Variants in JAKMIP3 observed in about 807,000 individuals in gnomAD.
JAKMIP3 encodes janus kinase and microtubule-interacting protein 3.
Under a neutral mutation model 118.5 loss-of-function variants are expected in JAKMIP3, and 58 were observed. The ratio of observed to expected loss-of-function variants is 0.49; its 90% CI spans 0.40 to 0.61. The LOEUF is 0.61. Among genes scored for constraint, JAKMIP3 ranks in the 20% least tolerant of loss-of-function variants. The pLI, the probability that JAKMIP3 is intolerant of heterozygous loss-of-function variation, is 0.00. For missense variants in JAKMIP3, 950 were observed against 1,109.0 expected, an observed-to-expected ratio of 0.86 and a Z score of 2.04; for synonymous variants, 486 against 451.2, an observed-to-expected ratio of 1.08 and a Z score of -0.98.
At chr10:132,138,053 A>C in intron 8 of JAKMIP3, 66 bp from the exon 9 acceptor site, 50 of 1,458,762 alleles carry the variant, frequency 3.4e-5, no homozygotes, top group Non-Finnish European at 4.4e-5. Flanking sequence ...ACGGGCAGTA[A>C]ACCGTGGACT....
At position 132,168,413 on chromosome 10, in the gene JAKMIP3, C is replaced by T. The variant is rs756015249; in HGVS notation, c.*483C>T. On this transcript the variant is annotated 3_prime_UTR_variant, in exon 23 of 24. Coordinates refer to ENST00000684848, the MANE Select transcript of JAKMIP3 (RefSeq NM_001323087.2). ...GCCTGATGACAAGATGAAAGCTGGA[C>T]GGTGACCTTCATTCAGGGGAACCTG... The T allele has an allele frequency of 6.1e-5, 79 of 1,288,292 alleles. No individual in the cohort carries two copies. Among genetic ancestry groups the T allele is most frequent in the South Asian group, 5.6e-4 (45 of 80,970 alleles). 79.8% of individuals were successfully genotyped at this position (1,288,292 alleles called of 1,614,324 possible).
At chr10:132,149,945 C>T (rs372647861) in intron 15 of JAKMIP3, 37 bp from the exon 16 acceptor site, 96 of 1,219,644 alleles carry the variant, frequency 7.9e-5, no homozygotes, top group Middle Eastern at 5.9e-4. Flanking sequence ...CTGCCCACCC[C>T]GTGGCCACTC....
chr10:132,146,595 C>A (rs570723575), intron 13 of JAKMIP3, among the ~76,000 whole-genome samples: 2 of 152,182 alleles, frequency 1.3e-5, no homozygotes, highest in South Asian at 4.1e-4. Flanking sequence ...CGATGTCTCA[C>A]GCTGGCAGGT....
chr10:132,096,712 C>G (rs1243499497), intron 1 of JAKMIP3, among the ~76,000 whole-genome samples: 1 of 152,114 alleles, frequency 6.6e-6, no homozygotes, highest in Non-Finnish European at 1.5e-5. Context: ...CCTGCTCCCC[C>G]ATTAGTACAA....
intron 19 of JAKMIP3, 48 bp from the exon 20 acceptor site, chr10:132,163,161 T>G: frequency 6.6e-7 from 1 of 1,517,526 alleles, no homozygotes; most frequent in Non-Finnish European, 8.9e-7. Context: ...CTGAAAGGTT[T>G]GTTCTGGGGA....
chr10:132,148,460 TCC>T (rs2136098650), intron 14 of JAKMIP3, among the ~76,000 whole-genome samples: 1 of 95,974 alleles, frequency 1.0e-5, no homozygotes, highest in East Asian at 7.9e-4. Context: ...CATCTGCCCG[TCC>T]TCCATCCGCC....
intron 1 of JAKMIP3, among the ~76,000 whole-genome samples, chr10:132,043,562 A>G (rs1330261638): frequency 2.0e-5 from 3 of 152,216 alleles, no homozygotes; most frequent in Non-Finnish European, 2.9e-5. Flanking sequence ...TAGTTTTTAA[A>G]TGTTTTTCAG....
At position 132,133,450 on chromosome 10, in the gene JAKMIP3, C is replaced by G. The variant is rs779992728; in HGVS notation, c.772C>G (p.Arg258Gly). Residue 258 changes from arginine (R) to glycine (G), a missense_variant, in exon 4 of 24, where the codon CGG (arginine) becomes GGG (glycine). Coordinates refer to ENST00000684848, the MANE Select transcript of JAKMIP3 (RefSeq NM_001323087.2). ...EQLSQVREAD[R>G]HPGSPRRELP... ...GCTGTCCCAGGTCCGAGAGGCCGAC[C>G]GGCACCCGGGCAGCCCCAGACGGGA... is the stretch of plus-strand genomic sequence containing the variant. 2.5e-6 allele frequency: 4 copies of G among 1,587,528 alleles called. No homozygotes were observed. Among genetic ancestry groups the G allele is most frequent in the Non-Finnish European group, 3.4e-6 (4 of 1,167,610 alleles).
chr10:132,137,040 C>T lies in JAKMIP3; in HGVS notation c.1138C>T (p.Arg380Trp), dbSNP rs371392395. ...TCAGAGACAGAGAGCTGGAATCATACGGAGACCCAGTTCCTTGAATGACCT... is the reference window on the plus strand; with the variant it reads ...TCAGAGACAGAGAGCTGGAATCATATGGAGACCCAGTTCCTTGAATGACCT... ...IEMRQRAGIIRRPSSLNDLDQ... is the reference protein window; with the variant it reads ...IEMRQRAGIIWRPSSLNDLDQ... The change falls in exon 7 of 24, where the codon CGG (arginine) becomes TGG (tryptophan). Residue 380 changes from arginine (R) to tryptophan (W), a missense_variant. Coordinates refer to ENST00000684848, the MANE Select transcript of JAKMIP3 (RefSeq NM_001323087.2). 7.4e-6 allele frequency: 12 copies of T among 1,613,650 alleles called. No homozygotes were observed. The highest frequency in any genetic ancestry group is 1.3e-5 in the African/African-American group (1 of 74,940).
chr10:132,098,937 C>T lies in JAKMIP3; in HGVS notation c.-137-5735C>T, dbSNP rs528157652. 9.9e-5 allele frequency among the ~76,000 whole-genome samples: 15 copies of T among 152,276 alleles called. No individual in the cohort carries two copies. In the East Asian group the frequency reaches 1.9e-3, roughly 20 times the overall value. On this transcript the variant is annotated intron_variant, in intron 1 of 23. Coordinates refer to ENST00000684848, the MANE Select transcript of JAKMIP3 (RefSeq NM_001323087.2). The stretch of plus-strand genomic sequence containing the variant: ...CTTACACTCACCTGGGTTTGGGACC[C>T]GAACCTTGGACTTCTCTGTAGGTAA...
chr10:132,137,974 G>A, intron 8 of JAKMIP3, 145 bp from the exon 9 acceptor site: 1 of 676,278 alleles, frequency 1.5e-6, no homozygotes, highest in Non-Finnish European at 2.4e-6. Flanking sequence ...CTGGAGCCAG[G>A]GCCTCCCGCT....
At chr10:132,059,001 A>G (rs145721120) in intron 1 of JAKMIP3, among the ~76,000 whole-genome samples, 2 of 152,296 alleles carry the variant, frequency 1.3e-5, no homozygotes, top group African/African-American at 4.8e-5. Context: ...TCCCAGGGCC[A>G]CAAGCCCCAG....
Position 132,141,954 on chromosome 10 carries a change from G to A in JAKMIP3, c.1508G>A (p.Arg503Gln), listed in dbSNP as rs1046064988. ...AAGGAGGAGACGGAGCTGAGGTTCC[G>A]GCAGCTGACCATGGAGTACCAGGCC... ...MAKEETELRF[R>Q]QLTMEYQALQ... The change falls in exon 11 of 24, where the codon CGG (arginine) becomes CAG (glutamine). Residue 503 changes from arginine (R) to glutamine (Q), a missense_variant. Physicochemically the swap from Arg to Gln is conservative, Grantham distance 43. Coordinates refer to ENST00000684848, the MANE Select transcript of JAKMIP3 (RefSeq NM_001323087.2). 6.3e-6 allele frequency: 10 copies of A among 1,596,188 alleles called. No homozygotes were observed. The highest frequency in any genetic ancestry group is 1.7e-5 in the Admixed American group (1 of 57,598).
At chr10:132,048,667 C>CTTT (rs35729418) in intron 1 of JAKMIP3, among the ~76,000 whole-genome samples, 3,640 of 129,728 alleles carry the variant, frequency 0.028, 240 homozygotes, top group African/African-American at 0.095. Context: ...TGTTTCTTTT[C>CTTT]TTTTTTTTTT....
At chr10:132,088,172 G>T (rs2042640536) in intron 1 of JAKMIP3, among the ~76,000 whole-genome samples, 1 of 152,028 alleles carries the variant, frequency 6.6e-6, no homozygotes, top group South Asian at 2.1e-4. Context: ...AAACATATGT[G>T]TGCATGTGTC....
At chr10:132,162,290 C>T (rs2058435520) in intron 19 of JAKMIP3, among the ~76,000 whole-genome samples, 1 of 152,238 alleles carries the variant, frequency 6.6e-6, no homozygotes, top group Non-Finnish European at 1.5e-5. Context: ...CCAGGCAGCC[C>T]ACAGTTCGTG....
chr10:132,098,611 A>G (rs2044347733), intron 1 of JAKMIP3, among the ~76,000 whole-genome samples: 1 of 152,124 alleles, frequency 6.6e-6, no homozygotes, highest in Non-Finnish European at 1.5e-5. Context: ...GTCCCTTAAG[A>G]GCCCTTCTAG....
chr10:132,082,133 T>C (rs553458894), intron 1 of JAKMIP3, among the ~76,000 whole-genome samples: 1 of 147,680 alleles, frequency 6.8e-6, no homozygotes, highest in Non-Finnish European at 1.5e-5. Flanking sequence ...ACCTGGTAAT[T>C]CTTGATTAGA....
At chr10:132,145,417 C>A in intron 12 of JAKMIP3, 101 bp from the exon 13 acceptor site, 1 of 1,189,814 alleles carries the variant, frequency 8.4e-7, no homozygotes, top group Non-Finnish European at 1.2e-6. Context: ...CTTTGCCACG[C>A]TGGCCAGACT....
Sources: allele counts gnomAD v4.1 joint callset (sites outside exome capture counted in the v4.1 genomes callset), GRCh38; gene constraint gnomAD v4.1.1; transcripts MANE v1.5; gene names NCBI Gene and HGNC (gene_info 2026-07-23, HGNC 2026-07-21).